Variants in TERF2IP observed in about 807,000 individuals in gnomAD.
TERF2IP encodes telomeric repeat-binding factor 2-interacting protein 1.
A neutral mutation model predicts 33.3 loss-of-function variants in TERF2IP; 35 were observed. The observed-to-expected ratio is 1.05, with a 90% CI of 0.80 to 1.39. The LOEUF (loss-of-function observed/expected upper bound fraction) is 1.39. Among genes scored for constraint, TERF2IP ranks in the 40% most tolerant of loss-of-function variants. The pLI is 0.00. For missense variants in TERF2IP, 583 were observed against 524.8 expected, an observed-to-expected ratio of 1.11 and a Z score of -1.08; for synonymous variants, 253 against 223.2, an observed-to-expected ratio of 1.13 and a Z score of -1.19.
chr16:75,649,762 G>T (rs186845966), intron 1 of TERF2IP, among the ~76,000 whole-genome samples: 9 of 152,274 alleles, frequency 5.9e-5, no homozygotes, highest in Admixed American at 5.2e-4. Context: ...CAGTTGGAAG[G>T]TCTCTTCCTG....
chr16:75,651,155 A>G (rs890007458), intron 1 of TERF2IP, among the ~76,000 whole-genome samples: 4 of 152,196 alleles, frequency 2.6e-5, no homozygotes, highest in African/African-American at 9.6e-5. Context: ...TGATTACCTG[A>G]AAATTAAGAA....
chr16:75,656,195 C>G lies in TERF2IP; in HGVS notation c.796-12C>G. 1 of 1,572,642 alleles carries G rather than the reference C, an allele frequency of 6.4e-7. No homozygotes were observed. The highest frequency in any genetic ancestry group is 2.2e-5 in the East Asian group (1 of 44,512). Reference sequence around the variant, plus strand: ...GTGATTAGGAGCTGGTTTTACTCATCATTCTGTCTAGGTGGATGAGAGCCC... The same window carrying G: ...GTGATTAGGAGCTGGTTTTACTCATGATTCTGTCTAGGTGGATGAGAGCCC... On this transcript the variant is annotated splice_polypyrimidine_tract_variant and intron_variant, in intron 2 of 2. Coordinates refer to ENST00000300086, the MANE Select transcript of TERF2IP (RefSeq NM_018975.4).
chr16:75,649,919 G>A (rs1419767353), intron 1 of TERF2IP, among the ~76,000 whole-genome samples: 2 of 152,178 alleles, frequency 1.3e-5, no homozygotes, highest in African/African-American at 4.8e-5. Flanking sequence ...TTTGTTTAAA[G>A]AGGCATGCTG....
At position 75,648,466 on chromosome 16, in the gene TERF2IP, A is replaced by T; in HGVS notation, c.584A>T (p.Tyr195Phe). 1 of 1,598,086 alleles carries T rather than the reference A, an allele frequency of 6.3e-7. No individual in the cohort carries two copies. Among genetic ancestry groups the T allele is most frequent in the Non-Finnish European group, 8.5e-7 (1 of 1,173,394 alleles). Reference sequence around the variant, plus strand: ...CACCTGCGGGGCCAGGAGCATAAGTACCTGCTGGGGGACGCGCCGGTGAGC... The same window carrying T: ...CACCTGCGGGGCCAGGAGCATAAGTTCCTGCTGGGGGACGCGCCGGTGAGC... Reference protein sequence around the residue: ...LKHLRGQEHKYLLGDAPVSPS... With the variant: ...LKHLRGQEHKFLLGDAPVSPS... The change falls in exon 1 of 3, where the codon TAC becomes TTC. Residue 195 changes from tyrosine (Y) to phenylalanine (F), a missense_variant. Transcript: ENST00000300086.
Position 75,647,955 on chromosome 16 carries a change from G to A in TERF2IP, c.73G>A (p.Asp25Asn), listed in dbSNP as rs1351362988. Residue 25 changes from aspartate to asparagine, a missense_variant, in exon 1 of 3, where the codon GAC becomes AAC. Asp to Asn is a conservative substitution (Grantham distance 23, BLOSUM62 1). Transcript: ENST00000300086. Reference sequence around the variant, plus strand: ...TTCCTCGACTCTGTTCGTGAGGGACGACGGCAGCTCCATGTCCTTCTACGT... The same window carrying A: ...TTCCTCGACTCTGTTCGTGAGGGACAACGGCAGCTCCATGTCCTTCTACGT... Reference protein sequence around the residue: ...THSSTLFVRDDGSSMSFYVRP... With the variant: ...THSSTLFVRDNGSSMSFYVRP... 2 of 1,613,686 alleles carry A rather than the reference G, an allele frequency of 1.2e-6. No individual in the cohort carries two copies. Among genetic ancestry groups the A allele is most frequent in the East Asian group, 2.2e-5 (1 of 44,856 alleles).
intron 1 of TERF2IP, among the ~76,000 whole-genome samples, chr16:75,649,023 C>T (rs558004157): frequency 2.0e-5 from 3 of 151,144 alleles, no homozygotes; most frequent in Non-Finnish European, 4.4e-5. Context: ...CACCACGTCC[C>T]GCTAAATTAA....
chr16:75,657,350 T>C lies in TERF2IP; in HGVS notation c.*739T>C, dbSNP rs369498526. On this transcript the variant is annotated 3_prime_UTR_variant, in exon 3 of 3. Transcript: ENST00000300086. Reference sequence around the variant, plus strand: ...TGAGTATTGTTTGTGCTAAGCATTGTGTTAGATTTAAAAAATTAGTGGATT... The same window carrying C: ...TGAGTATTGTTTGTGCTAAGCATTGCGTTAGATTTAAAAAATTAGTGGATT... 3 of 152,250 alleles carry C rather than the reference T, an allele frequency of 2.0e-5. No individual in the cohort carries two copies. In the East Asian group the frequency reaches 5.8e-4, roughly 29 times the overall value. The allele number at this position is 152,250 out of a possible 1,614,324, so 9.4% of individuals were successfully genotyped here. A position where few individuals can be genotyped will look rare whatever the true frequency, so the allele number is the denominator to read the frequency against.
chr16:75,648,896 C>G (rs2082325250), intron 1 of TERF2IP, among the ~76,000 whole-genome samples: 1 of 151,158 alleles, frequency 6.6e-6, no homozygotes, highest in East Asian at 2.0e-4. Context: ...GGGGCTCGCT[C>G]CGTCGCCCAG....
chr16:75,654,360 T>A lies in TERF2IP; in HGVS notation c.758T>A (p.Met253Lys), dbSNP rs756616549. 2 of 1,613,880 alleles carry A rather than the reference T, an allele frequency of 1.2e-6. No homozygotes were observed. The highest frequency in any genetic ancestry group is 2.7e-5 in the African/African-American group (2 of 74,930). Reference protein sequence around the residue: ...IQENEEAVKKMLVEATREFEE... With the variant: ...IQENEEAVKKKLVEATREFEE... The stretch of plus-strand genomic sequence containing the variant: ...GAGAATGAAGAAGCAGTCAAAAAGA[T>A]GCTTGTGGAAGCCACCCGGGAGTTT... Residue 253 changes from methionine (M) to lysine (K), a missense_variant, in exon 2 of 3, where the codon ATG (methionine) becomes AAG (lysine). Coordinates refer to ENST00000300086, the MANE Select transcript of TERF2IP (RefSeq NM_018975.4).
At chr16:75,656,175 T>G (rs1446384056) in intron 2 of TERF2IP, 32 bp from the exon 3 acceptor site, 3 of 1,547,148 alleles carry the variant, frequency 1.9e-6, no homozygotes, top group South Asian at 1.3e-5. Flanking sequence ...ACTTGGTGAT[T>G]AGGAGCTGGT....
At chr16:75,654,963 C>T (rs1399188212) in intron 2 of TERF2IP, among the ~76,000 whole-genome samples, 6 of 152,198 alleles carry the variant, frequency 3.9e-5, no homozygotes, top group South Asian at 2.1e-4. Flanking sequence ...CTCCTGACCT[C>T]GTGATCCGCC....
intron 1 of TERF2IP, among the ~76,000 whole-genome samples, chr16:75,652,916 A>G (rs1377376082): frequency 6.6e-6 from 1 of 151,928 alleles, no homozygotes; most frequent in African/African-American, 2.4e-5. Context: ...CTAATTCCCC[A>G]TTTCTCCCTC....
intron 2 of TERF2IP, 151 bp downstream of exon 2, chr16:75,654,548 C>T (rs1246485871): frequency 1.2e-6 from 1 of 860,012 alleles, no homozygotes; most frequent in Non-Finnish European, 1.7e-6. Flanking sequence ...TGGGACTGAT[C>T]TGGGCTTCAG....
rs1452203196 is a variant in TERF2IP, at chr16:75,654,411, A to G, written c.795+14A>G. On this transcript the variant is annotated intron_variant, in intron 2 of 2. Transcript: ENST00000300086. ...GAGGAGGTTGTGGTATGTTAACTAG[A>G]TTTACTCATTATTTTTTTCCCTACC... 1 of 1,609,002 alleles carries G rather than the reference A, an allele frequency of 6.2e-7. No homozygotes were observed. Among genetic ancestry groups the G allele is most frequent in the East Asian group, 2.2e-5 (1 of 44,772 alleles).
intron 2 of TERF2IP, among the ~76,000 whole-genome samples, chr16:75,655,603 C>T (rs1027202655): frequency 2.0e-5 from 3 of 152,190 alleles, no homozygotes; most frequent in Non-Finnish European, 2.9e-5. Flanking sequence ...TTTTCATAAA[C>T]TTCAAACACT....
chr16:75,653,650 G>A (rs75590040), intron 1 of TERF2IP, among the ~76,000 whole-genome samples: 6,802 of 152,276 alleles, frequency 0.045, 298 homozygotes, highest in African/African-American at 0.11. Context: ...GCCTTTGGCT[G>A]CTAGGAGAGC....
At chr16:75,652,992 C>T (rs1325995091) in intron 1 of TERF2IP, among the ~76,000 whole-genome samples, 1 of 152,134 alleles carries the variant, frequency 6.6e-6, no homozygotes, top group African/African-American at 2.4e-5. Flanking sequence ...CTAGATACCT[C>T]ATACAAGTAG....
chr16:75,656,225 G>A lies in TERF2IP; in HGVS notation c.814G>A (p.Asp272Asn). The stretch of plus-strand genomic sequence containing the variant: ...TGTCTAGGTGGATGAGAGCCCTCCT[G>A]ATTTTGAAATACATATAACTATGTG... Reference protein sequence around the residue: ...EEVVVDESPPDFEIHITMCDD... With the variant: ...EEVVVDESPPNFEIHITMCDD... Residue 272 changes from aspartate to asparagine, a missense_variant, in exon 3 of 3, where the codon GAT becomes AAT. By Grantham distance (23) the Asp-to-Asn change is conservative (BLOSUM62 1). Coordinates refer to ENST00000300086, the MANE Select transcript of TERF2IP (RefSeq NM_018975.4). 6.2e-7 allele frequency: 1 copy of A among 1,608,784 alleles called. No homozygotes were observed. The highest frequency in any genetic ancestry group is 8.5e-7 in the Non-Finnish European group (1 of 1,177,102).
At chr16:75,649,048 T>C (rs2082326583) in intron 1 of TERF2IP, among the ~76,000 whole-genome samples, 1 of 151,206 alleles carries the variant, frequency 6.6e-6, no homozygotes, top group Non-Finnish European at 1.5e-5. Context: ...AAAATTGTTG[T>C]AGAGATGGGG....
Sources: gnomAD v4.1 joint callset for allele counts (sites outside exome capture counted in the v4.1 genomes callset) on GRCh38, gnomAD v4.1.1 for gene constraint, MANE v1.5 for transcripts, NCBI Gene and HGNC (gene_info 2026-07-23, HGNC 2026-07-21) for gene names.